Variants in DLG2 observed in about 807,000 individuals in gnomAD.
DLG2 encodes the protein discs large MAGUK scaffold protein 2.
In DLG2, 45 loss-of-function variants were observed where a neutral mutation model predicts 132.5. That is an observed-to-expected ratio of 0.34 (90% CI 0.27 to 0.44). The LOEUF is 0.44. Among genes scored for constraint, DLG2 ranks in the 20% least tolerant of loss-of-function variants. The pLI, the probability that DLG2 is intolerant of heterozygous loss-of-function variation, is 1.00. For synonymous variants in DLG2, 424 were observed against 419.6 expected (o/e 1.01, Z -0.13); for missense variants, 1,045 against 1,196.9 (o/e 0.87, Z 1.87).
intron 3 of DLG2, among the ~76,000 whole-genome samples, chr11:85,390,537 A>G (rs1436950608): frequency 6.6e-6 from 1 of 151,718 alleles, no homozygotes; most frequent in African/African-American, 2.4e-5. Context: ...CTACCCAACA[A>G]CTGCAGAACA....
chr11:83,771,148 T>C (rs900522308), intron 18 of DLG2, among the ~76,000 whole-genome samples: 5 of 152,198 alleles, frequency 3.3e-5, no homozygotes, highest in Non-Finnish European at 7.3e-5. Context: ...ACTACTTTCA[T>C]TATTTCTCAC....
Position 84,178,066 on chromosome 11 carries a change from G to T in DLG2, c.574-14555C>A, listed in dbSNP as rs958847299. On this transcript the variant is annotated intron_variant, in intron 8 of 27. Transcript: ENST00000376104. The stretch of plus-strand genomic sequence containing the variant: ...GAGAGCCTGTGTTATTCCAGTCTGG[G>T]GCTGCACATTGCCCCATCTCTTCCC... Among the ~76,000 whole-genome samples, 3 of 152,084 alleles carry T rather than the reference G, an allele frequency of 2.0e-5. No individual in the cohort carries two copies. In the East Asian group the frequency reaches 5.8e-4, roughly 29 times the overall value.
chr11:83,801,375 T>C (rs2044330350), intron 17 of DLG2, among the ~76,000 whole-genome samples: 1 of 152,208 alleles, frequency 6.6e-6, no homozygotes, highest in African/African-American at 2.4e-5. Context: ...ATGCCTCTCC[T>C]CTGCTAAAAT....
At chr11:83,707,358 G>A (rs909019698) in intron 18 of DLG2, among the ~76,000 whole-genome samples, 7 of 152,342 alleles carry the variant, frequency 4.6e-5, no homozygotes, top group Middle Eastern at 3.4e-3. Context: ...GTACCGTGCA[G>A]TGCATGACAT....
intron 4 of DLG2, among the ~76,000 whole-genome samples, chr11:85,245,585 C>T (rs997871310): frequency 6.6e-6 from 1 of 151,952 alleles, no homozygotes; most frequent in Non-Finnish European, 1.5e-5. Context: ...CTATTGGCTC[C>T]TGTGAAGTAT....
intron 6 of DLG2, among the ~76,000 whole-genome samples, chr11:84,724,707 C>T (rs920437248): frequency 6.6e-6 from 1 of 152,116 alleles, no homozygotes; most frequent in Non-Finnish European, 1.5e-5. Context: ...CCCAAGGTAA[C>T]AAAATTGGTA....
chr11:83,867,698 TG>T, intron 16 of DLG2, among the ~76,000 whole-genome samples: 1 of 152,356 alleles, frequency 6.6e-6, no homozygotes, highest in Admixed American at 6.5e-5. Context: ...GGTTTGTTTA[TG>T]TATTTATTTA....
At chr11:85,402,356 A>T (rs2088224191) in intron 3 of DLG2, among the ~76,000 whole-genome samples, 1 of 152,194 alleles carries the variant, frequency 6.6e-6, no homozygotes, top group South Asian at 2.1e-4. Context: ...TGGTTTAAAA[A>T]CTTAAATGTA....
intron 6 of DLG2, among the ~76,000 whole-genome samples, chr11:84,977,504 T>A (rs979554128): frequency 6.6e-6 from 1 of 152,172 alleles, no homozygotes; most frequent in Admixed American, 6.5e-5. Flanking sequence ...ACAGAAAGCA[T>A]CTAACTGATA....
intron 6 of DLG2, among the ~76,000 whole-genome samples, chr11:84,949,386 A>G (rs1208415211): frequency 6.6e-6 from 1 of 152,190 alleles, no homozygotes; most frequent in Non-Finnish European, 1.5e-5. Flanking sequence ...AAGTTGAGAC[A>G]GGGATTTGAG....
At chr11:84,185,583 C>T (rs1369037943) in intron 8 of DLG2, among the ~76,000 whole-genome samples, 2 of 152,088 alleles carry the variant, frequency 1.3e-5, no homozygotes, top group Admixed American at 6.6e-5. Context: ...TGCCTGATTG[C>T]CCTGGCCAGA....
At chr11:83,863,236 G>A (rs916790114) in intron 16 of DLG2, among the ~76,000 whole-genome samples, 5 of 152,152 alleles carry the variant, frequency 3.3e-5, no homozygotes, top group African/African-American at 1.2e-4. Context: ...GAGGTAAGGT[G>A]TGGTGACATT....
At chr11:84,797,688 G>C (rs983877561) in intron 6 of DLG2, among the ~76,000 whole-genome samples, 1 of 152,144 alleles carries the variant, frequency 6.6e-6, no homozygotes, top group African/African-American at 2.4e-5. Context: ...TGTCTGAAAG[G>C]TTACATATTT....
chr11:85,089,158 C>T (rs1020666391), intron 6 of DLG2, among the ~76,000 whole-genome samples: 2 of 151,846 alleles, frequency 1.3e-5, no homozygotes, highest in African/African-American at 2.4e-5. Context: ...ATTTTCTGGA[C>T]GTACATGTGC....
intron 6 of DLG2, among the ~76,000 whole-genome samples, chr11:84,942,993 T>C (rs1439033578): frequency 1.3e-5 from 2 of 152,194 alleles, no homozygotes; most frequent in East Asian, 3.8e-4. Context: ...TCTCTTTATA[T>C]AGTTTTTGTC....
intron 3 of DLG2, among the ~76,000 whole-genome samples, chr11:85,518,987 A>G (rs1458670157): frequency 6.6e-6 from 1 of 152,078 alleles, no homozygotes; most frequent in Admixed American, 6.6e-5. Flanking sequence ...AGGTTTTGGA[A>G]CCTCCTCCTA....
intron 19 of DLG2, among the ~76,000 whole-genome samples, chr11:83,567,139 T>G (rs185789560): frequency 6.6e-6 from 1 of 152,266 alleles, no homozygotes; most frequent in African/African-American, 2.4e-5. Flanking sequence ...GGGTGACTCG[T>G]TGAAAGCCTG....
chr11:83,534,922 G>A (rs1386716038), intron 20 of DLG2, among the ~76,000 whole-genome samples: 1 of 152,204 alleles, frequency 6.6e-6, no homozygotes, highest in Non-Finnish European at 1.5e-5. Flanking sequence ...TAGCCTGGGT[G>A]ACACAGCGAG....
chr11:84,929,896 A>G (rs1315553140), intron 6 of DLG2, among the ~76,000 whole-genome samples: 3 of 152,082 alleles, frequency 2.0e-5, no homozygotes, highest in Non-Finnish European at 4.4e-5. Flanking sequence ...CATACTTGCA[A>G]AGATTTTTTT....
Sources: allele counts gnomAD v4.1 joint callset (sites outside exome capture counted in the v4.1 genomes callset), GRCh38; gene constraint gnomAD v4.1.1; transcripts MANE v1.5; gene names NCBI Gene and HGNC (gene_info 2026-07-23, HGNC 2026-07-21).